SGCZ: variants seen among roughly 807,000 people sequenced by gnomAD.
SGCZ encodes sarcoglycan zeta, also known as zeta-sarcoglycan.
A neutral mutation model predicts 41.3 loss-of-function variants in SGCZ; 40 were observed. The observed-to-expected ratio is 0.97, with a 90% CI of 0.75 to 1.26. The LOEUF (loss-of-function observed/expected upper bound fraction) is 1.26, where lower values mean the gene tolerates loss of function less well. Among genes scored for constraint, SGCZ ranks in the 50% most tolerant of loss-of-function variants. SGCZ has a pLI of 0.00. For synonymous variants in SGCZ, 206 were observed against 137.5 expected (o/e 1.50, Z -3.49); for missense variants, 552 against 369.8 (o/e 1.49, Z -4.04).
At chr8:14,935,619 T>G (rs1474895321) in intron 1 of SGCZ, among the ~76,000 whole-genome samples, 2 of 151,776 alleles carry the variant, frequency 1.3e-5, no homozygotes, top group Non-Finnish European at 3.0e-5. Context: ...TAATTAAAGG[T>G]GCAGATAAAA....
intron 2 of SGCZ, among the ~76,000 whole-genome samples, chr8:14,479,334 G>C (rs7842935): frequency 6.6e-6 from 1 of 152,060 alleles, no homozygotes; most frequent in Non-Finnish European, 1.5e-5. Flanking sequence ...ATAGAGGCCC[G>C]GAGACTCAGC....
chr8:14,352,010 A>T (rs950104918), intron 2 of SGCZ, among the ~76,000 whole-genome samples: 1 of 152,142 alleles, frequency 6.6e-6, no homozygotes, highest in Non-Finnish European at 1.5e-5. Context: ...TATTGTATGA[A>T]ATACATAGCA....
intron 5 of SGCZ, among the ~76,000 whole-genome samples, chr8:14,149,663 A>AC (rs1260633963): frequency 6.6e-6 from 1 of 151,486 alleles, no homozygotes; most frequent in Non-Finnish European, 1.5e-5. Flanking sequence ...TAGGAAAAAA[A>AC]AAAAAAACAC....
rs150389068 is a variant in SGCZ at position 14,087,832 on chromosome 8, C to T, written c.*2611G>A. 3.3e-3 allele frequency among the ~76,000 whole-genome samples: 498 copies of T among 151,670 alleles called. 2 individuals carry two copies. Among genetic ancestry groups the T allele is most frequent in the African/African-American group, 0.011 (440 of 41,466 alleles). On this transcript the variant is annotated 3_prime_UTR_variant, in exon 8 of 8. Coordinates refer to ENST00000382080, the MANE Select transcript of SGCZ (RefSeq NM_139167.4). The stretch of plus-strand genomic sequence containing the variant: ...TGAGGCAGGGATCTTGGCTTAGATT[C>T]AGAAATCTGAAACAGCTAGTCAGAT...
intron 2 of SGCZ, among the ~76,000 whole-genome samples, chr8:14,441,782 T>G (rs1360496032): frequency 2.0e-5 from 3 of 152,300 alleles, no homozygotes; most frequent in African/African-American, 7.2e-5. Flanking sequence ...ACTCAAGTGG[T>G]GACTTTCTCC....
At chr8:14,449,418 T>C (rs1276430224) in intron 2 of SGCZ, among the ~76,000 whole-genome samples, 1 of 152,180 alleles carries the variant, frequency 6.6e-6, no homozygotes, top group East Asian at 1.9e-4. Flanking sequence ...AATATTTGAC[T>C]GATTTTGGGG....
chr8:14,455,399 T>C (rs1800711348), intron 2 of SGCZ, among the ~76,000 whole-genome samples: 1 of 151,700 alleles, frequency 6.6e-6, no homozygotes, highest in Non-Finnish European at 1.5e-5. Context: ...CCCTCTCACA[T>C]ATTGCTGGTA....
At chr8:15,016,477 A>C (rs1803038128) in intron 1 of SGCZ, among the ~76,000 whole-genome samples, 1 of 152,148 alleles carries the variant, frequency 6.6e-6, no homozygotes, top group South Asian at 2.1e-4. Flanking sequence ...TAGATGTCTC[A>C]GGTAAAAGAG....
chr8:14,140,101 T>C (rs1241357361), intron 5 of SGCZ, among the ~76,000 whole-genome samples: 1 of 151,988 alleles, frequency 6.6e-6, no homozygotes, highest in Admixed American at 6.6e-5. Context: ...ATGCAGAAAA[T>C]ACCTTCGACA....
intron 1 of SGCZ, among the ~76,000 whole-genome samples, chr8:14,822,073 TACACACACAC>T (rs57337707): frequency 2.1e-5 from 3 of 141,584 alleles, no homozygotes; most frequent in East Asian, 4.2e-4. Context: ...CCCTAAAGAT[TACACACACAC>T]ACACACACAC....
chr8:14,217,245 G>C (rs910501110), intron 4 of SGCZ, among the ~76,000 whole-genome samples: 1 of 132,814 alleles, frequency 7.5e-6, no homozygotes, highest in African/African-American at 2.8e-5. Flanking sequence ...GCAGTGAGCC[G>C]AGATTGCACC....
At chr8:14,766,297 C>G (rs2439723) in intron 1 of SGCZ, among the ~76,000 whole-genome samples, 107,580 of 151,858 alleles carry the variant, frequency 0.71, 39,201 homozygotes, top group African/African-American at 0.89. Flanking sequence ...ATTAAATATG[C>G]AAAAATAAAA....
chr8:14,749,159 T>C (rs1487105041), intron 1 of SGCZ, among the ~76,000 whole-genome samples: 3 of 152,206 alleles, frequency 2.0e-5, no homozygotes, highest in Non-Finnish European at 2.9e-5. Flanking sequence ...ACTGAGATTA[T>C]ATTTATAATT....
intron 3 of SGCZ, among the ~76,000 whole-genome samples, chr8:14,311,521 T>C (rs1263316473): frequency 6.6e-6 from 1 of 152,152 alleles, no homozygotes; most frequent in Non-Finnish European, 1.5e-5. Flanking sequence ...CAAATCTTTT[T>C]GGATCACATA....
intron 4 of SGCZ, among the ~76,000 whole-genome samples, chr8:14,216,257 C>T (rs1036977607): frequency 6.6e-6 from 1 of 152,100 alleles, no homozygotes; most frequent in Admixed American, 6.6e-5. Context: ...AATTTTCTTT[C>T]GAAGATTTGC....
intron 1 of SGCZ, among the ~76,000 whole-genome samples, chr8:15,113,603 G>T (rs1382188075): frequency 1.3e-5 from 2 of 152,150 alleles, no homozygotes; most frequent in Admixed American, 1.3e-4. Context: ...TCTTCGGCAT[G>T]AACTACCATC....
intron 4 of SGCZ, among the ~76,000 whole-genome samples, chr8:14,217,083 A>T (rs4571734): frequency 2.6e-5 from 4 of 152,084 alleles, no homozygotes; most frequent in African/African-American, 2.4e-5. Flanking sequence ...GTCAGGGGAT[A>T]GAGACCATCC....
rs1271603538 is a variant in SGCZ, at chr8:14,401,658, G to A, written c.235-77454C>T. Reference sequence around the variant, plus strand: ...CTGCATAGTATTCCATGGTGTATATGTGCCACATTTTCTTGATCCAGTCTA... The same window carrying A: ...CTGCATAGTATTCCATGGTGTATATATGCCACATTTTCTTGATCCAGTCTA... On this transcript the variant is annotated intron_variant, in intron 2 of 7. Coordinates refer to ENST00000382080, the MANE Select transcript of SGCZ (RefSeq NM_139167.4). Among the ~76,000 whole-genome samples, 7 of 151,632 alleles carry A rather than the reference G, an allele frequency of 4.6e-5. No individual in the cohort carries two copies. The East Asian group carries it at 7.7e-4, about 17-fold the overall frequency.
intron 2 of SGCZ, among the ~76,000 whole-genome samples, chr8:14,465,487 G>A (rs59055642): frequency 1.8e-3 from 271 of 151,678 alleles, no homozygotes; most frequent in African/African-American, 6.3e-3. Context: ...TTTAATCCAT[G>A]TACATTTAAG....
Sources: gnomAD v4.1 joint callset for allele counts (sites outside exome capture counted in the v4.1 genomes callset) on GRCh38, gnomAD v4.1.1 for gene constraint, MANE v1.5 for transcripts, NCBI Gene and HGNC (gene_info 2026-07-23, HGNC 2026-07-21) for gene names.